Variants in AFF1 observed in about 807,000 individuals in gnomAD.
The protein encoded by AFF1 is ALF transcription elongation factor 1.
Under a neutral mutation model 121.7 loss-of-function variants are expected in AFF1, and 48 were observed. That is an observed-to-expected ratio of 0.39 (90% CI 0.31 to 0.50). AFF1 has a LOEUF of 0.50. Ranked by LOEUF, AFF1 falls within the 20% of genes least tolerant of loss-of-function variation. The pLI is 0.76. For synonymous variants in AFF1, 613 were observed against 563.0 expected, an observed-to-expected ratio of 1.09 and a Z score of -1.26; for missense variants, 1,523 against 1,511.7, an observed-to-expected ratio of 1.01 and a Z score of -0.12.
At chr4:87,060,835 C>CAAAAAAAAAAAAAAAAA (rs749186199) in intron 4 of AFF1, among the ~76,000 whole-genome samples, 27 of 62,220 alleles carry the variant, frequency 4.3e-4, no homozygotes, top group Non-Finnish European at 6.4e-4. Context: ...GACTCTGTCT[C>CAAAAAAAAAAAAAAAAA]AAAAAAAAAA....
At chr4:87,068,692 G>A (rs1721638850) in intron 4 of AFF1, among the ~76,000 whole-genome samples, 1 of 152,204 alleles carries the variant, frequency 6.6e-6, no homozygotes, top group South Asian at 2.1e-4. Context: ...AAGCAACGGT[G>A]TACTTGAGAG....
At position 86,958,219 on chromosome 4, in the gene AFF1, G is replaced by C. The variant is rs564944252; in HGVS notation, c.38+9648G>C. Among the ~76,000 whole-genome samples the C allele has an allele frequency of 2.7e-5, 4 of 150,014 alleles. No homozygotes were observed. The East Asian group carries it at 8.2e-4, about 31-fold the overall frequency. On this transcript the variant is annotated intron_variant, in intron 2 of 20. Transcript: ENST00000395146. ...AGCAATTCTTCTGCCTCAGCCTCCCGAGTAGCTGAGATTACAGGTGCACAT... is the reference window on the plus strand; with the variant it reads ...AGCAATTCTTCTGCCTCAGCCTCCCCAGTAGCTGAGATTACAGGTGCACAT...
chr4:87,054,776 T>G (rs1438486733), intron 4 of AFF1, among the ~76,000 whole-genome samples: 1 of 152,160 alleles, frequency 6.6e-6, no homozygotes, highest in African/African-American at 2.4e-5. Flanking sequence ...TATAGAAGTT[T>G]TAAAATAGTG....
intron 11 of AFF1, among the ~76,000 whole-genome samples, chr4:87,112,046 A>G (rs759418676): frequency 7.9e-5 from 12 of 152,196 alleles, no homozygotes; most frequent in Non-Finnish European, 1.8e-4. Context: ...GCAGTTGTAG[A>G]TATAGCCAGT....
chr4:87,033,313 A>G (rs960387770), intron 2 of AFF1, among the ~76,000 whole-genome samples: 1 of 152,164 alleles, frequency 6.6e-6, no homozygotes, highest in East Asian at 1.9e-4. Flanking sequence ...TAGCAAGTCT[A>G]AATGCTGAGC....
chr4:86,983,569 T>TA (rs1055893145), intron 2 of AFF1, among the ~76,000 whole-genome samples: 2 of 151,378 alleles, frequency 1.3e-5, no homozygotes, highest in African/African-American at 4.9e-5. Flanking sequence ...ACTAAAAATA[T>TA]AAAAAATTAG....
intron 2 of AFF1, among the ~76,000 whole-genome samples, chr4:86,963,681 TAATG>T (rs1722313506): frequency 6.6e-6 from 1 of 152,206 alleles, no homozygotes; most frequent in Non-Finnish European, 1.5e-5. Context: ...TCAGGGTTAA[TAATG>T]AAACTGTTTT....
chr4:87,089,695 C>T (rs955845575), intron 5 of AFF1, among the ~76,000 whole-genome samples: 2 of 152,188 alleles, frequency 1.3e-5, no homozygotes, highest in African/African-American at 2.4e-5. Flanking sequence ...GTACCTGTTA[C>T]GTACAGTTTA....
Position 87,128,101 on chromosome 4 carries a change from C to G in AFF1, c.2964+398C>G, listed in dbSNP as rs147874007. 1.7e-3 allele frequency among the ~76,000 whole-genome samples: 263 copies of G among 152,218 alleles called. 1 individual carries two copies. The highest frequency in any genetic ancestry group is 6.0e-3 in the African/African-American group (250 of 41,510). ...AATTCTTTGGATGTGAAAAATGAGC[C>G]CTGCTGTTGAAACTCAGTCAACGTG... On this transcript the variant is annotated intron_variant, in intron 16 of 20. Coordinates refer to ENST00000395146, the MANE Select transcript of AFF1 (RefSeq NM_001166693.3).
Position 87,047,018 on chromosome 4 carries a change from G to T in AFF1, c.483G>T (p.Pro161=). ...PSLHAKSCGP[P]DSQHLTQDRL... Reference sequence around the variant, plus strand: ...TCCATGCCAAAAGCTGCGGCCCACCGGACAGCCAGCACCTGACCCAGGATC... The same window carrying T: ...TCCATGCCAAAAGCTGCGGCCCACCTGACAGCCAGCACCTGACCCAGGATC... Residue 161 remains proline, a synonymous_variant, in exon 4 of 21, where the codon CCG becomes CCT. Transcript: ENST00000395146. 1.9e-6 allele frequency: 3 copies of T among 1,614,156 alleles called. No homozygotes were observed. The highest frequency in any genetic ancestry group is 2.5e-6 in the Non-Finnish European group (3 of 1,180,026).
At position 86,951,615 on chromosome 4, in the gene AFF1, C is replaced by CTTTTTTTTTTTTTTTTTTTTTTTTTTTTT. The variant is rs748093135; in HGVS notation, c.38+3051_38+3052insTTTTTTTTTTTTTTTTTTTTTTTTTTTTT. Among the ~76,000 whole-genome samples the CTTTTTTTTTTTTTTTTTTTTTTTTTTTTT allele has an allele frequency of 8.8e-5, 11 of 124,942 alleles. 1 individual carries two copies. The highest frequency in any genetic ancestry group is 2.3e-4 in the African/African-American group (7 of 29,892). 82.0% of individuals were successfully genotyped at this position (124,942 alleles called of 152,430 possible). On this transcript the variant is annotated intron_variant, in intron 2 of 20. Coordinates refer to ENST00000395146, the MANE Select transcript of AFF1 (RefSeq NM_001166693.3). Reference sequence around the variant, plus strand: ...GAACTTTTTTTTCTTTTTCTTTTTTCTTTTTTTCTTTTTTTTTTTTTTTTT... The same window carrying CTTTTTTTTTTTTTTTTTTTTTTTTTTTTT: ...GAACTTTTTTTTCTTTTTCTTTTTTCTTTTTTTTTTTTTTTTTTTTTTTTTTTTTTTTTTTTCTTTTTTTTTTTTTTTTT...
intron 2 of AFF1, among the ~76,000 whole-genome samples, chr4:86,958,730 AAATAAAT>A (rs772910949): frequency 2.0e-5 from 3 of 152,114 alleles, no homozygotes; most frequent in East Asian, 1.9e-4. Flanking sequence ...AAATAAAATA[AAATAAAT>A]AATAAATAAT....
intron 12 of AFF1, 125 bp from the exon 13 acceptor site, chr4:87,124,912 T>C (rs1475959281): frequency 1.6e-6 from 1 of 622,670 alleles, no homozygotes; most frequent in African/African-American, 1.9e-5. Flanking sequence ...CTAAGAAGGT[T>C]GCTGTGCGTA....
rs754229542 is a variant in AFF1 at position 86,949,537 on chromosome 4, ATTTTTT to A, written c.38+980_38+985del. ...CTATTTATTAATTATTATTATTATT[ATTTTTT>A]TTTTTTTTTTTTTCCCGACTGGGGC... On this transcript the variant is annotated intron_variant, in intron 2 of 20. Transcript: ENST00000395146. The A allele has an allele frequency of 3.1e-3, 759 of 248,326 alleles. 63 individuals carry two copies. Among genetic ancestry groups the A allele is most frequent in the South Asian group, 6.2e-3 (119 of 19,148 alleles). 15.4% of individuals were successfully genotyped at this position (248,326 alleles called of 1,614,324 possible). A position where few individuals can be genotyped will look rare whatever the true frequency, so the allele number is the denominator to read the frequency against.
At chr4:86,978,421 A>G (rs1301567383) in intron 2 of AFF1, among the ~76,000 whole-genome samples, 1 of 151,982 alleles carries the variant, frequency 6.6e-6, no homozygotes, top group East Asian at 1.9e-4. Flanking sequence ...TGACTTCATG[A>G]TCCACCCACC....
At chr4:86,958,573 C>T (rs901088478) in intron 2 of AFF1, among the ~76,000 whole-genome samples, 1 of 151,926 alleles carries the variant, frequency 6.6e-6, no homozygotes, top group Non-Finnish European at 1.5e-5. Flanking sequence ...AAAAAATTAG[C>T]CGGGTGTGGT....
intron 2 of AFF1, among the ~76,000 whole-genome samples, chr4:86,971,100 G>A (rs1200081231): frequency 6.6e-6 from 1 of 152,180 alleles, no homozygotes. Context: ...CATGGGAAAA[G>A]CACATTAGGG....
chr4:86,973,454 AT>A (rs1239805208), intron 2 of AFF1, among the ~76,000 whole-genome samples: 2 of 152,112 alleles, frequency 1.3e-5, no homozygotes, highest in Admixed American at 6.6e-5. Flanking sequence ...TGGTCTCTTA[AT>A]TTTTTTCCCC....
At chr4:86,956,674 C>A (rs1183138955) in intron 2 of AFF1, among the ~76,000 whole-genome samples, 2 of 152,154 alleles carry the variant, frequency 1.3e-5, no homozygotes, top group African/African-American at 4.8e-5. Context: ...TGCAATCATA[C>A]AATATGTTAA....
Sources: gnomAD v4.1 joint callset for allele counts (sites outside exome capture counted in the v4.1 genomes callset) on GRCh38, gnomAD v4.1.1 for gene constraint, MANE v1.5 for transcripts, NCBI Gene and HGNC (gene_info 2026-07-23, HGNC 2026-07-21) for gene names.